The following WDR27 variants were observed in gnomAD, a reference collection of about 807,000 sequenced individuals.
WDR27 encodes WD repeat-containing protein 27.
A neutral mutation model predicts 114.4 loss-of-function variants in WDR27; 100 were observed. That is an observed-to-expected ratio of 0.87 (90% CI 0.74 to 1.03). WDR27 has a LOEUF of 1.03. WDR27 is among the 50% of genes least tolerant of loss of function. The pLI, the probability that WDR27 is intolerant of heterozygous loss-of-function variation, is 0.00. For missense variants in WDR27, 1,129 were observed against 1,092.9 expected (o/e 1.03, Z -0.47); for synonymous variants, 449 against 423.1 (o/e 1.06, Z -0.75).
At chr6:169,598,801 A>G (rs1318035258) in intron 23 of WDR27, among the ~76,000 whole-genome samples, 2 of 152,146 alleles carry the variant, frequency 1.3e-5, no homozygotes, top group African/African-American at 4.8e-5. Context: ...TTCATCTCAG[A>G]CTTCTGGCCT....
chr6:169,497,840 G>A (rs1400170808), intron 25 of WDR27, among the ~76,000 whole-genome samples: 2 of 152,026 alleles, frequency 1.3e-5, no homozygotes, highest in Non-Finnish European at 2.9e-5. Flanking sequence ...AAACAGCATG[G>A]CATTTTTTTC....
At chr6:169,533,765 G>A (rs1195411583) in intron 25 of WDR27, among the ~76,000 whole-genome samples, 1 of 152,156 alleles carries the variant, frequency 6.6e-6, no homozygotes, top group Non-Finnish European at 1.5e-5. Flanking sequence ...CAAGGAAGGT[G>A]ACAATCTCAC....
intron 25 of WDR27, among the ~76,000 whole-genome samples, chr6:169,526,569 C>G (rs536567154): frequency 6.6e-6 from 1 of 151,850 alleles, no homozygotes; most frequent in Non-Finnish European, 1.5e-5. Context: ...GCAGAGACTG[C>G]GCCACTGTAC....
In WDR27 at chr6:169,696,014, T is replaced by G. The variant is rs538655072; in HGVS notation, c.-8+5537A>C. Among the ~76,000 whole-genome samples, 6 of 152,324 alleles carry G rather than the reference T, an allele frequency of 3.9e-5. No homozygotes were observed. In the South Asian group the frequency reaches 1.2e-3, roughly 32 times the overall value. The stretch of plus-strand genomic sequence containing the variant: ...GAAGGAGCCAGCCCCAATGCCACCC[T>G]GATTTTAGCAGTTTGAGACCCATTT... On this transcript the variant is annotated intron_variant, in intron 1 of 25. Coordinates refer to ENST00000448612, the MANE Select transcript of WDR27 (RefSeq NM_182552.5).
chr6:169,560,418 T>C (rs1170778039), intron 25 of WDR27, among the ~76,000 whole-genome samples: 1 of 152,208 alleles, frequency 6.6e-6, no homozygotes, highest in Non-Finnish European at 1.5e-5. Flanking sequence ...CCTCAAACCA[T>C]TTTGTCTTTG....
intron 22 of WDR27, among the ~76,000 whole-genome samples, chr6:169,603,898 A>C (rs1362285286): frequency 6.6e-6 from 1 of 152,222 alleles, no homozygotes; most frequent in Non-Finnish European, 1.5e-5. Flanking sequence ...AAATTTTAAA[A>C]TTTTTGAAAT....
intron 25 of WDR27, among the ~76,000 whole-genome samples, chr6:169,531,962 C>G (rs1433506667): frequency 6.6e-6 from 1 of 152,174 alleles, no homozygotes; most frequent in Admixed American, 6.5e-5. Flanking sequence ...AATTACTACT[C>G]TTTACAGTGG....
chr6:169,467,982 C>T (rs1785832262), intron 25 of WDR27, among the ~76,000 whole-genome samples: 1 of 152,196 alleles, frequency 6.6e-6, no homozygotes, highest in African/African-American at 2.4e-5. Flanking sequence ...GCATCTTGAA[C>T]ACTTTGCAGC....
At chr6:169,674,812 C>T (rs938960549) in intron 2 of WDR27, among the ~76,000 whole-genome samples, 1 of 152,148 alleles carries the variant, frequency 6.6e-6, no homozygotes, top group Non-Finnish European at 1.5e-5. Context: ...CACCTGGGTG[C>T]AGGCGGGCTG....
chr6:169,563,637 C>T (rs550779781), intron 25 of WDR27, among the ~76,000 whole-genome samples: 2 of 152,052 alleles, frequency 1.3e-5, no homozygotes, highest in African/African-American at 2.4e-5. Flanking sequence ...CAGCCACAGC[C>T]GTCTCTTCTG....
At chr6:169,583,629 G>C (rs1235499628) in intron 23 of WDR27, among the ~76,000 whole-genome samples, 1 of 151,518 alleles carries the variant, frequency 6.6e-6, no homozygotes, top group Admixed American at 6.6e-5. Flanking sequence ...TGATGGAATT[G>C]AGAGATGAGA....
rs193231612 is a variant in WDR27 at position 169,457,374 on chromosome 6, A to G, written c.*218T>C. 1.9e-4 allele frequency: 81 copies of G among 422,744 alleles called. No homozygotes were observed. The highest frequency in any genetic ancestry group is 1.8e-3 in the East Asian group (49 of 27,242). 26.2% of individuals were successfully genotyped at this position (422,744 alleles called of 1,614,324 possible). ...ACTGGACGCCATTTCCATTTTCCCA[A>G]TGAAGGGGATCCCTTTTGAGGAGCA... On this transcript the variant is annotated 3_prime_UTR_variant, in exon 26 of 26. Coordinates refer to ENST00000448612, the MANE Select transcript of WDR27 (RefSeq NM_182552.5).
intron 22 of WDR27, among the ~76,000 whole-genome samples, chr6:169,610,148 T>C (rs1031143270): frequency 7.9e-5 from 12 of 152,208 alleles, no homozygotes; most frequent in African/African-American, 2.9e-4. Flanking sequence ...ACTTGCAAAC[T>C]TTCCCACATT....
intron 25 of WDR27, among the ~76,000 whole-genome samples, chr6:169,500,276 T>C (rs1012352823): frequency 5.3e-5 from 8 of 152,172 alleles, no homozygotes; most frequent in Admixed American, 3.3e-4. Flanking sequence ...TGGTGCGTTT[T>C]ATAGCAACAT....
At chr6:169,679,477 C>A (rs1223189862) in intron 2 of WDR27, among the ~76,000 whole-genome samples, 7 of 152,154 alleles carry the variant, frequency 4.6e-5, no homozygotes, top group African/African-American at 1.7e-4. Context: ...GAGATGTAAT[C>A]CCCAGTGTTG....
intron 23 of WDR27, among the ~76,000 whole-genome samples, chr6:169,597,877 TACACACACACACACACAC>T (rs67336814): frequency 7.0e-5 from 10 of 142,290 alleles, no homozygotes; most frequent in African/African-American, 1.0e-4. Context: ...TTACCATTCA[TACACACACACACACACAC>T]ACACACACAC....
intron 1 of WDR27, among the ~76,000 whole-genome samples, chr6:169,696,453 C>G (rs181828745): frequency 3.3e-5 from 5 of 152,348 alleles, no homozygotes; most frequent in Admixed American, 3.3e-4. Flanking sequence ...CACATGCACC[C>G]AAACGTGCAC....
rs1388429350 is a variant in WDR27, at chr6:169,659,550, A to G, written c.1130-32T>C. ...TTGAGCGAAGACCAGGAAGAACATG[A>G]TGGGGAGGGAGGTAGCACATACACA... On this transcript the variant is annotated intron_variant, in intron 10 of 25. Coordinates refer to ENST00000448612, the MANE Select transcript of WDR27 (RefSeq NM_182552.5). The surrounding 1 kb of genome is among the most constrained non-coding windows in gnomAD (Gnocchi z 4.3). 4 of 1,588,972 alleles carry G rather than the reference A, an allele frequency of 2.5e-6. No individual in the cohort carries two copies. The highest frequency in any genetic ancestry group is 1.3e-5 in the African/African-American group (1 of 74,480).
chr6:169,593,323 T>C (rs1263709405), intron 23 of WDR27, among the ~76,000 whole-genome samples: 1 of 152,210 alleles, frequency 6.6e-6, no homozygotes, highest in Admixed American at 6.5e-5. Context: ...GCCTGTTAAA[T>C]TTGTTTCTAC....
Sources: allele counts gnomAD v4.1 joint callset (sites outside exome capture counted in the v4.1 genomes callset), GRCh38; gene constraint gnomAD v4.1.1; non-coding constraint Gnocchi (gnomAD v3.1); transcripts MANE v1.5; gene names NCBI Gene and HGNC (gene_info 2026-07-23, HGNC 2026-07-21).